KIRREL1: variants seen among roughly 807,000 people sequenced by gnomAD.
KIRREL1 encodes the protein kirre like nephrin family adhesion molecule 1, also known as kin of IRRE-like protein 1.
A neutral mutation model predicts 83.3 loss-of-function variants in KIRREL1; 25 were observed. That is an observed-to-expected ratio of 0.30 (90% CI 0.22 to 0.42). The LOEUF is 0.42. KIRREL1 is among the 10% of genes least tolerant of loss of function. KIRREL1 has a pLI of 1.00. For missense variants in KIRREL1, 812 were observed against 1,032.3 expected (o/e 0.79, Z 2.92); for synonymous variants, 388 against 410.4 (o/e 0.95, Z 0.66).
Position 158,091,479 on chromosome 1 carries a change from A to C in KIRREL1, c.1394A>C (p.Asp465Ala). The C allele has an allele frequency of 6.2e-7, 1 of 1,614,252 alleles. No individual in the cohort carries two copies. Among genetic ancestry groups the C allele is most frequent in the Non-Finnish European group, 8.5e-7 (1 of 1,180,052 alleles). Residue 465 changes from aspartate (D) to alanine (A), a missense_variant, in exon 11 of 15, where the codon GAC becomes GCC. Physicochemically the swap from Asp to Ala is moderately radical, Grantham distance 126. Around this residue, in one of 3 missense-constraint regions of KIRREL1, gnomAD observed 472 missense variants for 626.8 expected, o/e 0.75. Coordinates refer to ENST00000359209, the MANE Select transcript of KIRREL1 (RefSeq NM_018240.7). ...TLTINNVMEA[D>A]FQTHYNCTAW... ...ACCATCAACAATGTCATGGAGGCCG[A>C]CTTTCAGACTCACTACAACTGCACC...
chr1:158,034,158 A>G (rs1464350160), intron 1 of KIRREL1, among the ~76,000 whole-genome samples: 1 of 151,330 alleles, frequency 6.6e-6, no homozygotes, highest in Non-Finnish European at 1.5e-5. Context: ...CTGTAATCCC[A>G]GCTACTCAGG....
In KIRREL1 at chr1:158,084,459, G is replaced by A; in HGVS notation, c.390G>A (p.Val130=). 6.4e-7 allele frequency: 1 copy of A among 1,551,832 alleles called. No individual in the cohort carries two copies. Among genetic ancestry groups the A allele is most frequent in the Middle Eastern group, 1.7e-4 (1 of 5,992 alleles). The change falls in exon 4 of 15, where the codon GTG becomes GTA. Residue 130 remains valine, a synonymous_variant. Coordinates refer to ENST00000359209, the MANE Select transcript of KIRREL1 (RefSeq NM_018240.7). The part of the protein sequence containing the change: ...PEDTRIDGGP[V]ILLQAGTPHN... ...ACACCAGGATTGACGGAGGCCCTGT[G>A]ATTCTACTGCAGGCAGGCACCCCCC... is the stretch of plus-strand genomic sequence containing the variant.
chr1:158,014,941 C>A (rs1659786754), intron 1 of KIRREL1, among the ~76,000 whole-genome samples: 1 of 152,168 alleles, frequency 6.6e-6, no homozygotes, highest in South Asian at 2.1e-4. Context: ...AATGCTACCA[C>A]TAATTCCTCT....
At chr1:157,999,072 T>A (rs555875842) in intron 1 of KIRREL1, among the ~76,000 whole-genome samples, 317 of 152,246 alleles carry the variant, frequency 2.1e-3, no homozygotes, top group Non-Finnish European at 3.5e-3. Context: ...TTCTTAGAGT[T>A]AAGGCAGCTG....
chr1:158,017,214 C>T (rs934576242), intron 1 of KIRREL1, among the ~76,000 whole-genome samples: 1 of 152,164 alleles, frequency 6.6e-6, no homozygotes. Flanking sequence ...CATTTTCCTC[C>T]TTTCCTGCTT....
intron 1 of KIRREL1, among the ~76,000 whole-genome samples, chr1:158,043,909 A>T (rs995066470): frequency 1.3e-5 from 2 of 152,240 alleles, no homozygotes; most frequent in African/African-American, 4.8e-5. Context: ...GCTTTGTGAC[A>T]TTAGGCAAAT....
intron 1 of KIRREL1, among the ~76,000 whole-genome samples, chr1:158,000,542 A>G (rs1295701212): frequency 2.6e-5 from 4 of 152,224 alleles, no homozygotes; most frequent in African/African-American, 9.6e-5. Context: ...TTGTCAGACA[A>G]TGCGAACCTA....
intron 1 of KIRREL1, among the ~76,000 whole-genome samples, chr1:158,043,992 G>C (rs1558001052): frequency 6.6e-6 from 1 of 152,226 alleles, no homozygotes; most frequent in Non-Finnish European, 1.5e-5. Flanking sequence ...AATGGTAGAT[G>C]TTGAGGATTC....
intron 1 of KIRREL1, among the ~76,000 whole-genome samples, chr1:158,013,415 T>C (rs942024124): frequency 1.3e-5 from 2 of 152,000 alleles, no homozygotes; most frequent in African/African-American, 4.8e-5. Context: ...ATCTACCACA[T>C]CTCCACCCCG....
chr1:158,020,411 C>T (rs1659972173), intron 1 of KIRREL1, among the ~76,000 whole-genome samples: 1 of 152,048 alleles, frequency 6.6e-6, no homozygotes, highest in South Asian at 2.1e-4. Context: ...TTTTGGGGGG[C>T]TTCCAAAGCA....
At chr1:158,059,231 C>A (rs7552600) in intron 1 of KIRREL1, among the ~76,000 whole-genome samples, 32,457 of 152,072 alleles carry the variant, frequency 0.21, 3,983 homozygotes, top group Non-Finnish European at 0.27. Context: ...TCTGCAGGAA[C>A]GTGCCTCTTC....
At chr1:158,083,136 G>GC (rs1275150757) in intron 3 of KIRREL1, among the ~76,000 whole-genome samples, 4 of 152,154 alleles carry the variant, frequency 2.6e-5, no homozygotes, top group Non-Finnish European at 5.9e-5. Context: ...GGGAGGGAGA[G>GC]CCCCCCTTGT....
Position 158,088,389 on chromosome 1 carries a change from C to T in KIRREL1, c.979C>T (p.Leu327Phe), listed in dbSNP as rs761914988. 3 of 1,613,898 alleles carry T rather than the reference C, an allele frequency of 1.9e-6. No individual in the cohort carries two copies. The African/African-American group carries it at 4.0e-5, about 22-fold the overall frequency. Residue 327 changes from leucine (L) to phenylalanine (F), a missense_variant, in exon 8 of 15, where the codon CTT becomes TTT. Coordinates refer to ENST00000359209, the MANE Select transcript of KIRREL1 (RefSeq NM_018240.7). ...CACAGACATTGGCTCTGATGTGACC[C>T]TTACCTGTGTCTGGGTTGGGAATCC... is the stretch of plus-strand genomic sequence containing the variant. ...TTTDIGSDVT[L>F]TCVWVGNPPL...
chr1:158,056,572 A>G (rs1661068967), intron 1 of KIRREL1, among the ~76,000 whole-genome samples: 1 of 152,140 alleles, frequency 6.6e-6, no homozygotes, highest in Admixed American at 6.5e-5. Context: ...GTGTGTGCCT[A>G]TGGCCTTCAC....
At chr1:158,001,841 A>G (rs1659370225) in intron 1 of KIRREL1, among the ~76,000 whole-genome samples, 1 of 152,178 alleles carries the variant, frequency 6.6e-6, no homozygotes, top group Non-Finnish European at 1.5e-5. Flanking sequence ...AAGCCAGGCC[A>G]AAGACTTCTT....
At chr1:158,071,644 G>A (rs1010670627) in intron 1 of KIRREL1, among the ~76,000 whole-genome samples, 1 of 152,094 alleles carries the variant, frequency 6.6e-6, no homozygotes, top group South Asian at 2.1e-4. Flanking sequence ...GCCCCCGGGA[G>A]GCCACCTTCC....
intron 1 of KIRREL1, among the ~76,000 whole-genome samples, chr1:158,034,231 A>G (rs1337103258): frequency 1.4e-5 from 2 of 144,718 alleles, no homozygotes; most frequent in Non-Finnish European, 3.0e-5. Context: ...GATAGCGCCA[A>G]TGCAGTCAGG....
intron 1 of KIRREL1, among the ~76,000 whole-genome samples, chr1:158,069,253 C>A (rs959807544): frequency 6.6e-6 from 1 of 150,864 alleles, no homozygotes; most frequent in Non-Finnish European, 1.5e-5. Context: ...TAAATGCATG[C>A]GCTTGTGTGT....
intron 1 of KIRREL1, among the ~76,000 whole-genome samples, chr1:158,066,694 T>G (rs1296265120): frequency 1.3e-5 from 2 of 152,158 alleles, no homozygotes; most frequent in Non-Finnish European, 2.9e-5. Context: ...CCCTTTCTGC[T>G]TTCCCACCCC....
Sources: gnomAD v4.1 joint callset for allele counts (sites outside exome capture counted in the v4.1 genomes callset) on GRCh38, gnomAD v4.1.1 for gene constraint, gnomAD v4.1.1 regional missense constraint, MANE v1.5 for transcripts, NCBI Gene and HGNC (gene_info 2026-07-23, HGNC 2026-07-21) for gene names.